Variants in ZNF600 observed in about 807,000 individuals in gnomAD.
The protein encoded by ZNF600 is zinc finger protein KR-ZNF1.
Under a neutral mutation model 7.3 loss-of-function variants are expected in ZNF600, and 4 were observed. That is an observed-to-expected ratio of 0.55 (90% confidence interval 0.27 to 1.25). The LOEUF (loss-of-function observed/expected upper bound fraction) is 1.25. Ranked by LOEUF, ZNF600 falls within the 50% of genes most tolerant of loss-of-function variation. ZNF600 has a pLI of 0.12. For synonymous variants in ZNF600, 290 were observed against 308.9 expected (o/e 0.94, Z 0.64); for missense variants, 911 against 922.1 (o/e 0.99, Z 0.16).
the ZNF600 span, chr19:52,801,572 C>A: frequency 1.2e-6 from 2 of 1,613,998 alleles, no homozygotes; most frequent in East Asian, 4.5e-5. Flanking sequence ...GAATGTCTTT[C>A]TCAATTTTCT....
At chr19:52,809,944 C>CG in the ZNF600 span, 21 of 850,372 alleles carry the variant, frequency 2.5e-5, no homozygotes, top group Non-Finnish European at 3.7e-5. Context: ...GAGGTTGCCC[C>CG]GGGGGGCGCA....
chr19:52,809,111 A>AT, the ZNF600 span, among the ~76,000 whole-genome samples: 1 of 152,214 alleles, frequency 6.6e-6, no homozygotes, highest in Admixed American at 6.5e-5. Context: ...GAGGAATCTC[A>AT]TCTTGCTGGA....
the ZNF600 span, among the ~76,000 whole-genome samples, chr19:52,819,739 C>T: frequency 3.5e-3 from 482 of 139,218 alleles, 15 homozygotes; most frequent in African/African-American, 0.013. Flanking sequence ...AGAGAAGCAT[C>T]TTTCACATGC....
chr19:52,801,555 A>T, the ZNF600 span: 2 of 1,614,126 alleles, frequency 1.2e-6, no homozygotes, highest in Non-Finnish European at 1.7e-6. Context: ...CTGAAACTGG[A>T]AGCCATGAAT....
At chr19:52,822,727 T>C in the ZNF600 span, among the ~76,000 whole-genome samples, 1 of 152,182 alleles carries the variant, frequency 6.6e-6, no homozygotes, top group Non-Finnish European at 1.5e-5. Flanking sequence ...GTTAGCTTCA[T>C]GCAGAGAGAG....
chr19:52,801,025 T>G, the ZNF600 span: 11 of 1,614,148 alleles, frequency 6.8e-6, no homozygotes, highest in Non-Finnish European at 9.3e-6. Flanking sequence ...CCACACTCAT[T>G]ACACTTGTAA....
At chr19:52,780,049 T>C (rs2062707923) in intron 1 of ZNF600, among the ~76,000 whole-genome samples, 1 of 152,124 alleles carries the variant, frequency 6.6e-6, no homozygotes, top group African/African-American at 2.4e-5. Context: ...TGCAACCGTT[T>C]GTGCCACATT....
the ZNF600 span, chr19:52,810,422 C>T: frequency 1.9e-6 from 3 of 1,602,768 alleles, no homozygotes; most frequent in Non-Finnish European, 2.6e-6. Context: ...AATTTAGTGG[C>T]CATCCCAAAG....
chr19:52,806,641 C>A, the ZNF600 span, among the ~76,000 whole-genome samples: 2 of 141,810 alleles, frequency 1.4e-5, no homozygotes, highest in Non-Finnish European at 3.0e-5. Flanking sequence ...GCAGCTCATG[C>A]CTACGGTCCC....
At chr19:52,798,556 T>C in the ZNF600 span, 21 of 505,608 alleles carry the variant, frequency 4.2e-5, no homozygotes, top group African/African-American at 3.5e-4. Context: ...TGATGTCTAT[T>C]GAGGTGTGAA....
the ZNF600 span, among the ~76,000 whole-genome samples, chr19:52,812,762 TAAAAAAA>T: frequency 5.3e-5 from 4 of 75,400 alleles, no homozygotes; most frequent in African/African-American, 1.7e-4. Flanking sequence ...GAATGATCAA[TAAAAAAA>T]AAAAAAAAAA....
the ZNF600 span, chr19:52,800,915 G>A: frequency 6.2e-7 from 1 of 1,614,066 alleles, no homozygotes; most frequent in Non-Finnish European, 8.5e-7. Context: ...GGTGTGATTT[G>A]CGACTGAAAA....
At chr19:52,824,140 A>T in the ZNF600 span, among the ~76,000 whole-genome samples, 1 of 151,760 alleles carries the variant, frequency 6.6e-6, no homozygotes. Flanking sequence ...CCTGAGTGAG[A>T]CTCCGTCTCA....
intron 1 of ZNF600, among the ~76,000 whole-genome samples, chr19:52,782,038 G>C (rs564476615): frequency 4.2e-4 from 63 of 151,558 alleles, no homozygotes; most frequent in African/African-American, 1.4e-3. Context: ...TCCAGCCTGG[G>C]TGACAGAGAG....
chr19:52,825,753 A>AG, the ZNF600 span, among the ~76,000 whole-genome samples: 1 of 152,124 alleles, frequency 6.6e-6, no homozygotes, highest in Non-Finnish European at 1.5e-5. Flanking sequence ...CGGGAGGCTG[A>AG]GGGGGATGGA....
intron 2 of ZNF600, among the ~76,000 whole-genome samples, chr19:52,777,942 T>C (rs912688000): frequency 2.6e-5 from 4 of 152,140 alleles, no homozygotes; most frequent in Non-Finnish European, 5.9e-5. Flanking sequence ...GCTCAGGAGT[T>C]TGAGGCTGCT....
the ZNF600 span, among the ~76,000 whole-genome samples, chr19:52,829,700 C>T: frequency 6.6e-6 from 1 of 151,968 alleles, no homozygotes. Flanking sequence ...TCAGTAGATT[C>T]GAGGATTCAC....
rs1414994660 is a variant in ZNF600, at chr19:52,782,208, G to A, written c.-19-3301C>T. Among the ~76,000 whole-genome samples the A allele has an allele frequency of 5.3e-5, 8 of 151,968 alleles. 1 individual carries two copies. The South Asian group carries it at 1.7e-3, about 32-fold the overall frequency. On this transcript the variant is annotated intron_variant, in intron 1 of 3. Coordinates refer to ENST00000648973, the Ensembl canonical transcript of ZNF600. ...CTGCCACTGCACTCCAGCCTGGACAGCAGTAAGAGTGTCTCAAAAAAATAA... is the reference window on the plus strand; with the variant it reads ...CTGCCACTGCACTCCAGCCTGGACAACAGTAAGAGTGTCTCAAAAAAATAA...
At chr19:52,818,837 C>G in the ZNF600 span, among the ~76,000 whole-genome samples, 42 of 141,570 alleles carry the variant, frequency 3.0e-4, 2 homozygotes, top group Non-Finnish European at 4.6e-4. Flanking sequence ...GAGCCAAGAT[C>G]ACAAGACTGC....
Sources: allele counts gnomAD v4.1 joint callset (sites outside exome capture counted in the v4.1 genomes callset), GRCh38; gene constraint gnomAD v4.1.1; transcripts MANE v1.5; gene names NCBI Gene and HGNC (gene_info 2026-07-23, HGNC 2026-07-21).